DLG1: variants seen among roughly 807,000 people sequenced by gnomAD.
DLG1 encodes disks large homolog 1.
DLG1 carries 42 observed loss-of-function variants against 123.4 expected under a neutral mutation model. The observed-to-expected ratio is 0.34, with a 90% CI of 0.27 to 0.44. The LOEUF (loss-of-function observed/expected upper bound fraction) is 0.44, where lower values mean the gene tolerates loss of function less well. Ranked by LOEUF, DLG1 falls within the 20% of genes least tolerant of loss-of-function variation. The pLI, the probability that DLG1 is intolerant of heterozygous loss-of-function variation, is 1.00. For missense variants in DLG1, 942 were observed against 1,082.6 expected (o/e 0.87, Z 1.82); for synonymous variants, 317 against 356.2 (o/e 0.89, Z 1.24).
Position 197,240,908 on chromosome 3 carries a change from T to C in DLG1, c.318+41771A>G, listed in dbSNP as rs189973684. 2.5e-4 allele frequency among the ~76,000 whole-genome samples: 24 copies of C among 95,228 alleles called. No individual in the cohort carries two copies. In the East Asian group the frequency reaches 4.8e-3, roughly 19 times the overall value. The allele number at this position is 95,228 out of a possible 152,430, so 62.5% of individuals were successfully genotyped here. A position where few individuals can be genotyped will look rare whatever the true frequency, so the allele number is the denominator to read the frequency against. On this transcript the variant is annotated intron_variant, in intron 4 of 24. Transcript: ENST00000667157. ...AGCAACAAAGATTGCCTATAAGATA[T>C]AGAAAATTACCTCAAAAAAAAAATG...
intron 5 of DLG1, among the ~76,000 whole-genome samples, chr3:197,169,094 C>T (rs115739289): frequency 0.031 from 4,700 of 152,208 alleles, 124 homozygotes; most frequent in Non-Finnish European, 0.047. Context: ...ATAAAAGCAG[C>T]ACTTAAAACA....
At chr3:197,206,203 G>A (rs151106665) in intron 4 of DLG1, among the ~76,000 whole-genome samples, 2 of 152,194 alleles carry the variant, frequency 1.3e-5, no homozygotes, top group African/African-American at 4.8e-5. Flanking sequence ...AATCCATGAC[G>A]TAAAGGGTCA....
At chr3:197,297,737 C>T (rs1487093517) in intron 1 of DLG1, 2 of 986,298 alleles carry the variant, frequency 2.0e-6, no homozygotes, top group East Asian at 1.1e-4. Context: ...CGGCCGCTCT[C>T]CGCGACGCCC....
chr3:197,122,175 T>G (rs543371808), intron 11 of DLG1, among the ~76,000 whole-genome samples: 7 of 152,188 alleles, frequency 4.6e-5, no homozygotes, highest in African/African-American at 1.7e-4. Flanking sequence ...AAATGAATGG[T>G]TTAGCGTTAG....
intron 3 of DLG1, 22 bp from the exon 4 acceptor site, chr3:197,282,867 T>C: frequency 1.4e-6 from 2 of 1,392,206 alleles, no homozygotes; most frequent in South Asian, 1.3e-5. Context: ...AAAATAAAAA[T>C]TCATAAGTAT....
In DLG1 at chr3:197,263,549, G is replaced by C. The variant is rs149384622; in HGVS notation, c.318+19130C>G. On this transcript the variant is annotated intron_variant, in intron 4 of 24. Transcript: ENST00000667157. ...CACCTGTAATCCCAGCACTTTGGGA[G>C]GCCAAGGTGGGAGAATCACTTGAGG... 3.3e-5 allele frequency among the ~76,000 whole-genome samples: 5 copies of C among 152,314 alleles called. No homozygotes were observed. In the East Asian group the frequency reaches 7.7e-4, roughly 23 times the overall value.
chr3:197,064,621 G>A (rs1248660202), intron 22 of DLG1, among the ~76,000 whole-genome samples: 1 of 151,702 alleles, frequency 6.6e-6, no homozygotes, highest in African/African-American at 2.4e-5. Flanking sequence ...TTGGGTTTCT[G>A]GTCTCTGTTC....
chr3:197,171,199 T>C (rs1804019340), intron 5 of DLG1, among the ~76,000 whole-genome samples: 2 of 152,184 alleles, frequency 1.3e-5, no homozygotes, highest in South Asian at 2.1e-4. Context: ...TGAATGTTTA[T>C]AGAAGGATAA....
At chr3:197,058,919 T>C (rs186280482) in intron 23 of DLG1, among the ~76,000 whole-genome samples, 2 of 152,236 alleles carry the variant, frequency 1.3e-5, no homozygotes, top group African/African-American at 2.4e-5. Flanking sequence ...TTTACTTTTA[T>C]GAAATGTCAC....
At chr3:197,194,274 G>A in intron 5 of DLG1, 151 bp downstream of exon 5, 2 of 412,264 alleles carry the variant, frequency 4.9e-6, no homozygotes, top group Non-Finnish European at 8.3e-6. Flanking sequence ...GTACTAATAA[G>A]CACCTTGAAA....
intron 15 of DLG1, among the ~76,000 whole-genome samples, chr3:197,087,779 AGTAGTACCAAG>A (rs1414150378): frequency 6.6e-6 from 1 of 152,218 alleles, no homozygotes; most frequent in African/African-American, 2.4e-5. Context: ...AGAAGTGTAC[AGTAGTACCAAG>A]GTAGGCAGGG....
At chr3:197,081,684 C>A (rs1048776681) in intron 16 of DLG1, among the ~76,000 whole-genome samples, 1 of 125,690 alleles carries the variant, frequency 8.0e-6, no homozygotes. Flanking sequence ...TAACCAGTTA[C>A]AGTTATTGAA....
chr3:197,121,253 G>C (rs939335635), intron 11 of DLG1, among the ~76,000 whole-genome samples: 2 of 151,960 alleles, frequency 1.3e-5, no homozygotes, highest in Non-Finnish European at 2.9e-5. Context: ...AAGAAATGAC[G>C]GCCTCAAAGA....
chr3:197,287,643 G>A (rs531972419), intron 3 of DLG1, among the ~76,000 whole-genome samples: 27 of 152,020 alleles, frequency 1.8e-4, no homozygotes, highest in Middle Eastern at 3.4e-3. Flanking sequence ...GGAGGAGGAA[G>A]GGGCACAAAT....
At chr3:197,221,191 G>C (rs919471469) in intron 4 of DLG1, among the ~76,000 whole-genome samples, 6 of 152,136 alleles carry the variant, frequency 3.9e-5, no homozygotes, top group Non-Finnish European at 7.4e-5. Context: ...TTTTGCTTCT[G>C]AAGGCTGGAA....
At chr3:197,045,727 G>A (rs185601130) in intron 24 of DLG1, among the ~76,000 whole-genome samples, 70 of 152,262 alleles carry the variant, frequency 4.6e-4, no homozygotes, top group African/African-American at 1.6e-3. Context: ...ATTTGCCTGG[G>A]TGACAGAGTG....
chr3:197,183,840 G>C, intron 5 of DLG1: 1 of 1,540,050 alleles, frequency 6.5e-7, no homozygotes, highest in Non-Finnish European at 8.8e-7. Flanking sequence ...TGCCAAGCAG[G>C]CTTACTTCTC....
chr3:197,188,158 T>C (rs900762419), intron 5 of DLG1, among the ~76,000 whole-genome samples: 67 of 152,218 alleles, frequency 4.4e-4, no homozygotes, highest in African/African-American at 1.6e-3. Flanking sequence ...TTTCCTAACA[T>C]GCACCCTAAG....
At chr3:197,146,188 G>GA (rs767903843) in intron 6 of DLG1, among the ~76,000 whole-genome samples, 20 of 152,034 alleles carry the variant, frequency 1.3e-4, no homozygotes, top group Non-Finnish European at 2.8e-4. Flanking sequence ...CCAAGCTCAT[G>GA]GACAGGTAGA....
Sources: allele counts gnomAD v4.1 joint callset (sites outside exome capture counted in the v4.1 genomes callset), GRCh38; gene constraint gnomAD v4.1.1; transcripts MANE v1.5; gene names NCBI Gene and HGNC (gene_info 2026-07-23, HGNC 2026-07-21).